Variants in COLEC11 observed in about 807,000 individuals in gnomAD.
COLEC11 encodes the protein collectin subfamily member 11.
In COLEC11, 20 loss-of-function variants were observed where a neutral mutation model predicts 27.3. That is an observed-to-expected ratio of 0.73 (90% CI 0.51 to 1.06). The LOEUF is 1.06. Among genes scored for constraint, COLEC11 ranks in the 50% least tolerant of loss-of-function variants. The probability of loss-of-function intolerance (pLI) is 0.00; values close to 1 mark genes in which losing one functional copy is unlikely to be tolerated. For missense variants in COLEC11, 310 were observed against 383.0 expected, an observed-to-expected ratio of 0.81 and a Z score of 1.59; for synonymous variants, 163 against 154.7, an observed-to-expected ratio of 1.05 and a Z score of -0.40.
At chr2:3,608,030 G>A (rs754028744) in intron 2 of COLEC11, among the ~76,000 whole-genome samples, 3 of 152,202 alleles carry the variant, frequency 2.0e-5, no homozygotes, top group Non-Finnish European at 2.9e-5. Context: ...AGCAGGTGGC[G>A]TGACAGTCAA....
intron 3 of COLEC11, chr2:3,617,690 G>A (rs1344174982): frequency 6.2e-7 from 1 of 1,609,970 alleles, no homozygotes; most frequent in Non-Finnish European, 8.5e-7. Flanking sequence ...CATGGTTGTG[G>A]AGGAAAAGCG....
chr2:3,605,009 G>A (rs1488791635), intron 2 of COLEC11: 1 of 470,216 alleles, frequency 2.1e-6, no homozygotes, highest in East Asian at 7.0e-5. Flanking sequence ...CTCCCGGATA[G>A]AGATAGTTCT....
rs534251293 is a variant in COLEC11, at chr2:3,625,173, C to T, written c.202+11791C>T. On this transcript the variant is annotated intron_variant, in intron 3 of 6. Transcript: ENST00000349077. ...AAACCTCTGAGGAATTCCCTTCTCC[C>T]TCCCTCCTTTCTTCCTTCCTTCTCC... Among the ~76,000 whole-genome samples the T allele has an allele frequency of 4.6e-5, 7 of 152,354 alleles. No homozygotes were observed. The South Asian group carries it at 8.3e-4, about 18-fold the overall frequency.
At chr2:3,600,995 G>C (rs571144949) in intron 1 of COLEC11, among the ~76,000 whole-genome samples, 121 of 152,310 alleles carry the variant, frequency 7.9e-4, no homozygotes, top group African/African-American at 2.5e-3. Context: ...TCTCAGAAGA[G>C]TCGGGAGCCC....
intron 2 of COLEC11, chr2:3,605,217 T>A (rs1054056287): frequency 7.4e-5 from 31 of 421,006 alleles, no homozygotes; most frequent in Non-Finnish European, 9.8e-6. Flanking sequence ...GCAGAGTGTG[T>A]GCCAGTGTCG....
At chr2:3,604,498 TG>T in intron 2 of COLEC11, 28 bp downstream of exon 2, 1 of 1,613,100 alleles carries the variant, frequency 6.2e-7, no homozygotes, top group Non-Finnish European at 8.5e-7. Flanking sequence ...TCTGGGCTGC[TG>T]GGCAGTGGCC....
intron 1 of COLEC11, among the ~76,000 whole-genome samples, chr2:3,601,327 G>T (rs1391733076): frequency 6.6e-6 from 1 of 152,042 alleles, no homozygotes; most frequent in Non-Finnish European, 1.5e-5. Context: ...TTGAGACAGG[G>T]TCTCACTCTG....
At chr2:3,608,585 A>C (rs952918153) in intron 2 of COLEC11, among the ~76,000 whole-genome samples, 2 of 152,302 alleles carry the variant, frequency 1.3e-5, no homozygotes, top group African/African-American at 4.8e-5. Context: ...CACTTTGGGA[A>C]GCCGAGGTGG....
chr2:3,611,905 C>T (rs1034336913), intron 2 of COLEC11, among the ~76,000 whole-genome samples: 5 of 147,216 alleles, frequency 3.4e-5, no homozygotes, highest in South Asian at 2.1e-4. Flanking sequence ...GTCCAGGTGC[C>T]GAGGCAAGAG....
At chr2:3,596,261 G>C (rs1355284617) in intron 1 of COLEC11, among the ~76,000 whole-genome samples, 1 of 152,042 alleles carries the variant, frequency 6.6e-6, no homozygotes, top group East Asian at 1.9e-4. Flanking sequence ...GCTGGGCCTT[G>C]CTGTAGATAC....
At chr2:3,613,463 G>A (rs1663398851) in intron 3 of COLEC11, 81 bp downstream of exon 3, 2 of 1,453,732 alleles carry the variant, frequency 1.4e-6, no homozygotes, top group African/African-American at 1.4e-5. Context: ...GGAGGTGGGG[G>A]TGGTGGTTCC....
chr2:3,637,932 G>A (rs911076410), intron 4 of COLEC11, among the ~76,000 whole-genome samples: 1 of 152,216 alleles, frequency 6.6e-6, no homozygotes, highest in Non-Finnish European at 1.5e-5. Flanking sequence ...AACAGACTTA[G>A]AGCCTCACGT....
chr2:3,607,312 G>GA (rs955710193), intron 2 of COLEC11, among the ~76,000 whole-genome samples: 10 of 152,042 alleles, frequency 6.6e-5, no homozygotes, highest in East Asian at 3.9e-4. Context: ...CTTTTAATGG[G>GA]AAAAAAGTCT....
At chr2:3,604,765 C>A (rs898528505) in intron 2 of COLEC11, among the ~76,000 whole-genome samples, 2 of 152,138 alleles carry the variant, frequency 1.3e-5, no homozygotes, top group African/African-American at 4.8e-5. Flanking sequence ...CACATGGCCT[C>A]GTGTGATCCT....
At position 3,599,550 on chromosome 2, in the gene COLEC11, A is replaced by G. The variant is rs536926126; in HGVS notation, c.-27+4382A>G. ...CACACTGGGTCACGGTGCCACACGC[A>G]TTAATTACCGCTGCAATCCCTTCAA... On this transcript the variant is annotated intron_variant, in intron 1 of 6. Coordinates refer to ENST00000349077, the MANE Select transcript of COLEC11 (RefSeq NM_024027.5). Among the ~76,000 whole-genome samples, 5 of 152,362 alleles carry G rather than the reference A, an allele frequency of 3.3e-5. 1 individual carries two copies. Among genetic ancestry groups the G allele is most frequent in the Middle Eastern group, 6.8e-3 (2 of 294 alleles).
intron 2 of COLEC11, chr2:3,605,815 C>T: frequency 1.1e-5 from 4 of 357,714 alleles, no homozygotes; most frequent in Non-Finnish European, 2.1e-5. Flanking sequence ...AAAAGGTCAG[C>T]CCTCTCCCGG....
Position 3,640,282 on chromosome 2 carries a change from GA to G in COLEC11, c.282del (p.Gly95GlufsTer6). The G allele has an allele frequency of 6.3e-7, 1 of 1,597,596 alleles. No individual in the cohort carries two copies. The highest frequency in any genetic ancestry group is 8.6e-7 in the Non-Finnish European group (1 of 1,164,990). On this transcript the variant is annotated frameshift_variant, in exon 5 of 7. Transcript: ENST00000349077. LOFTEE classifies it high-confidence loss of function. ...KIGPIGSKGE[K>X]GDSGDIGPPG... ...GACCTTGTTTTTTATTTTCAGGTGA[GA>G]AAGGAGATTCCGGTGACATAGGACC...
chr2:3,634,738 C>T (rs548847794), intron 3 of COLEC11, among the ~76,000 whole-genome samples: 6 of 152,138 alleles, frequency 3.9e-5, no homozygotes, highest in East Asian at 1.9e-4. Flanking sequence ...CACAGGCTGC[C>T]GTGGAGAGGG....
chr2:3,607,638 G>A (rs969992858), intron 2 of COLEC11, among the ~76,000 whole-genome samples: 2 of 151,786 alleles, frequency 1.3e-5, no homozygotes, highest in Non-Finnish European at 1.5e-5. Flanking sequence ...TAGTAGAGAC[G>A]GGGTTTCACC....
Sources: allele counts gnomAD v4.1 joint callset (sites outside exome capture counted in the v4.1 genomes callset), GRCh38; gene constraint gnomAD v4.1.1; transcripts MANE v1.5; gene names NCBI Gene and HGNC (gene_info 2026-07-23, HGNC 2026-07-21).